FRMD4A: variants seen among roughly 807,000 people sequenced by gnomAD.
FRMD4A encodes the protein FERM domain containing 4A.
Under a neutral mutation model 129.1 loss-of-function variants are expected in FRMD4A, and 29 were observed. The ratio of observed to expected loss-of-function variants is 0.22; its 90% CI spans 0.17 to 0.31. FRMD4A has a LOEUF of 0.31. Among genes scored for constraint, FRMD4A ranks in the 10% least tolerant of loss-of-function variants. The probability of loss-of-function intolerance (pLI) is 1.00; values close to 1 mark genes in which losing one functional copy is unlikely to be tolerated. For missense variants in FRMD4A, 1,272 were observed against 1,375.8 expected, an observed-to-expected ratio of 0.92 and a Z score of 1.19; for synonymous variants, 634 against 571.6, an observed-to-expected ratio of 1.11 and a Z score of -1.56.
chr10:13,966,419 C>T (rs2095485707), intron 2 of FRMD4A, among the ~76,000 whole-genome samples: 1 of 152,206 alleles, frequency 6.6e-6, no homozygotes, highest in Non-Finnish European at 1.5e-5. Context: ...TACTTTTGCA[C>T]TAACCTAATA....
At chr10:14,205,940 G>A (rs939455047) in intron 2 of FRMD4A, among the ~76,000 whole-genome samples, 7 of 151,900 alleles carry the variant, frequency 4.6e-5, no homozygotes, top group African/African-American at 7.3e-5. Flanking sequence ...CCTTCTCGTC[G>A]TGGTATGAGC....
At chr10:13,789,572 ACAC>A (rs2092945140) in intron 5 of FRMD4A, among the ~76,000 whole-genome samples, 1 of 148,850 alleles carries the variant, frequency 6.7e-6, no homozygotes, top group African/African-American at 2.6e-5. Context: ...ACACACACAC[ACAC>A]ACACACACAC....
intron 2 of FRMD4A, among the ~76,000 whole-genome samples, chr10:14,060,377 A>C (rs1463717108): frequency 6.6e-6 from 1 of 152,182 alleles, no homozygotes; most frequent in Non-Finnish European, 1.5e-5. Flanking sequence ...AACTCTATGA[A>C]ATAGGTACTA....
intron 2 of FRMD4A, among the ~76,000 whole-genome samples, chr10:14,226,347 GATCACGC>G (rs1843435756): frequency 6.6e-6 from 1 of 152,170 alleles, no homozygotes; most frequent in Admixed American, 6.5e-5. Context: ...TCTCCTTGGA[GATCACGC>G]AGACACCCAA....
At chr10:14,289,455 C>A (rs1283446410) in intron 2 of FRMD4A, among the ~76,000 whole-genome samples, 1 of 152,032 alleles carries the variant, frequency 6.6e-6, no homozygotes, top group Non-Finnish European at 1.5e-5. Context: ...AGTCCTTTGT[C>A]CAGTTTTTAA....
At position 13,657,383 on chromosome 10, in the gene FRMD4A, G is replaced by A. The variant is rs1053776268; in HGVS notation, c.2206C>T (p.Arg736Cys). The part of the protein sequence containing the change: ...GSPDFYTPRT[R>C]SSNGSDPMDD... ...ATGGGGTCTGAGCCGTTGCTGCTAC[G>A]AGTCCGCGGGGTGTAGAAGTCGGGG... The change falls in exon 22 of 25, where the codon CGT becomes TGT. Residue 736 changes from arginine (R) to cysteine (C), a missense_variant. Transcript: ENST00000357447. The A allele has an allele frequency of 1.2e-6, 2 of 1,612,674 alleles. No homozygotes were observed. Among genetic ancestry groups the A allele is most frequent in the Non-Finnish European group, 1.7e-6 (2 of 1,179,866 alleles).
In FRMD4A at chr10:14,318,404, G is replaced by C. The variant is rs17155043; in HGVS notation, c.45+11654C>G. ...TTAGTCCCAAGGCCAAGCATGTAAA[G>C]GAAAAAAACATTATTGCCTTTTCAG... On this transcript the variant is annotated intron_variant, in intron 2 of 24. Coordinates refer to ENST00000357447, the MANE Select transcript of FRMD4A (RefSeq NM_018027.5). Among the ~76,000 whole-genome samples the C allele has an allele frequency of 3.1e-3, 458 of 149,216 alleles. 2 individuals are homozygous for C. The highest frequency in any genetic ancestry group is 0.011 in the African/African-American group (434 of 40,910).
intron 2 of FRMD4A, among the ~76,000 whole-genome samples, chr10:14,171,589 C>G (rs564131457): frequency 4.0e-4 from 61 of 152,328 alleles, no homozygotes; most frequent in African/African-American, 1.3e-3. Context: ...GTTTCTCACC[C>G]TGTTTTGCCA....
At chr10:13,886,365 G>C (rs1339712825) in intron 2 of FRMD4A, among the ~76,000 whole-genome samples, 1 of 152,114 alleles carries the variant, frequency 6.6e-6, no homozygotes, top group Non-Finnish European at 1.5e-5. Context: ...GCAGGGAGAG[G>C]TTTTGGCTAA....
intron 5 of FRMD4A, among the ~76,000 whole-genome samples, chr10:13,791,958 C>G (rs2093011911): frequency 6.6e-6 from 1 of 152,212 alleles, no homozygotes; most frequent in Non-Finnish European, 1.5e-5. Flanking sequence ...AAGACCTTCT[C>G]AAGTGAGACC....
chr10:14,081,334 G>A (rs1469381876), intron 2 of FRMD4A, among the ~76,000 whole-genome samples: 1 of 152,062 alleles, frequency 6.6e-6, no homozygotes, highest in African/African-American at 2.4e-5. Flanking sequence ...CCTCCTTCAG[G>A]GTCTGGGTGC....
chr10:14,185,577 G>GGTTCAATCTCA (rs1842084143), intron 2 of FRMD4A, among the ~76,000 whole-genome samples: 3 of 152,150 alleles, frequency 2.0e-5, no homozygotes, highest in African/African-American at 7.2e-5. Context: ...GTTCAATCTC[G>GGTTCAATCTCA]TCTTGTAAGA....
intron 3 of FRMD4A, among the ~76,000 whole-genome samples, chr10:13,835,901 AGGTT>A (rs1432440860): frequency 1.3e-5 from 2 of 152,190 alleles, no homozygotes. Context: ...GGTGCCAAAA[AGGTT>A]GGGGACCATT....
intron 2 of FRMD4A, among the ~76,000 whole-genome samples, chr10:14,206,809 C>CAAAAAAAAAT (rs1842794711): frequency 7.0e-5 from 3 of 43,066 alleles, no homozygotes; most frequent in Non-Finnish European, 3.8e-5. Flanking sequence ...GACGCTATCT[C>CAAAAAAAAAT]AAAAAAAAAA....
chr10:13,933,736 G>A (rs1303745635), intron 2 of FRMD4A, among the ~76,000 whole-genome samples: 1 of 152,194 alleles, frequency 6.6e-6, no homozygotes, highest in Non-Finnish European at 1.5e-5. Context: ...GGTGGCCAAT[G>A]TCTGTTGCCT....
At chr10:14,001,809 A>G (rs956641796) in intron 2 of FRMD4A, among the ~76,000 whole-genome samples, 3 of 152,216 alleles carry the variant, frequency 2.0e-5, no homozygotes, top group African/African-American at 7.2e-5. Flanking sequence ...GGCTAATAAT[A>G]TGTGTGAATA....
At chr10:14,286,169 G>A (rs1156955948) in intron 2 of FRMD4A, among the ~76,000 whole-genome samples, 1 of 152,192 alleles carries the variant, frequency 6.6e-6, no homozygotes, top group Non-Finnish European at 1.5e-5. Flanking sequence ...TCCGTAAATG[G>A]ATTTGTGTTT....
chr10:13,728,570 A>ATTTT (rs1386167455), intron 12 of FRMD4A, among the ~76,000 whole-genome samples: 2 of 28,662 alleles, frequency 7.0e-5, no homozygotes, highest in Non-Finnish European at 1.7e-4. Flanking sequence ...GGTGATTACC[A>ATTTT]TTCTTTTTTT....
chr10:13,680,430 A>C (rs59325917), intron 15 of FRMD4A, among the ~76,000 whole-genome samples: 17,388 of 150,862 alleles, frequency 0.12, 2,339 homozygotes, highest in African/African-American at 0.34. Context: ...AGCCCCTTGG[A>C]AATTAAAAAA....
Sources: gnomAD v4.1 joint callset for allele counts (sites outside exome capture counted in the v4.1 genomes callset) on GRCh38, gnomAD v4.1.1 for gene constraint, MANE v1.5 for transcripts, NCBI Gene and HGNC (gene_info 2026-07-23, HGNC 2026-07-21) for gene names.